Variants in ARHGAP32 observed in about 807,000 individuals in gnomAD.
ARHGAP32 encodes rho GTPase-activating protein 32.
In ARHGAP32, 51 loss-of-function variants were observed where a neutral mutation model predicts 186.5. The ratio of observed to expected loss-of-function variants is 0.27; its 90% confidence interval spans 0.22 to 0.35. ARHGAP32 has a LOEUF of 0.35. ARHGAP32 is among the 10% of genes least tolerant of loss of function. The probability of loss-of-function intolerance (pLI) is 1.00; values close to 1 mark genes in which losing one functional copy is unlikely to be tolerated. For missense variants in ARHGAP32, 2,186 were observed against 2,623.5 expected (o/e 0.83, Z 3.64); for synonymous variants, 950 against 964.3 (o/e 0.99, Z 0.27).
chr11:129,046,655 G>A lies in ARHGAP32; in HGVS notation c.964-5646C>T, dbSNP rs537955455. 9.3e-4 allele frequency among the ~76,000 whole-genome samples: 141 copies of A among 152,240 alleles called. 1 individual carries two copies. The highest frequency in any genetic ancestry group is 1.9e-3 in the Non-Finnish European group (129 of 68,008). Reference sequence around the variant, plus strand: ...AGTGTATGTGCTGAAAAATACTTTGGTGTAACTTAAAAGGAATATTAGAGA... The same window carrying A: ...AGTGTATGTGCTGAAAAATACTTTGATGTAACTTAAAAGGAATATTAGAGA... On this transcript the variant is annotated intron_variant, in intron 10 of 22. Transcript: ENST00000682385.
At chr11:129,127,059 G>C (rs983340485) in intron 2 of ARHGAP32, among the ~76,000 whole-genome samples, 24 of 152,160 alleles carry the variant, frequency 1.6e-4, no homozygotes, top group Non-Finnish European at 3.5e-4. Context: ...ACTTTATTTG[G>C]TAGACTGGAA....
intron 1 of ARHGAP32, among the ~76,000 whole-genome samples, chr11:129,186,183 A>T (rs776459168): frequency 1.3e-5 from 2 of 152,192 alleles, no homozygotes; most frequent in Non-Finnish European, 2.9e-5. Flanking sequence ...AAACTTTTTA[A>T]CTTCAATTAA....
upstream of ARHGAP32, among the ~76,000 whole-genome samples, chr11:129,195,051 C>G (rs1386935888): frequency 6.6e-6 from 1 of 151,568 alleles, no homozygotes; most frequent in African/African-American, 2.4e-5. Flanking sequence ...CTCACTGCAA[C>G]CTCCACCTCC....
rs1343423601 is a variant in ARHGAP32, at chr11:128,970,436, T to C, written c.4777A>G (p.Thr1593Ala). ...CYPEDIPPYP[T>A]IRRVQSLHAP... is the part of the protein sequence containing the mutation. Reference sequence around the variant, plus strand: ...TGGAGAGACTGCACTCTCCGGATGGTAGGGTACGGTGGAATGTCTTCGGGG... The same window carrying C: ...TGGAGAGACTGCACTCTCCGGATGGCAGGGTACGGTGGAATGTCTTCGGGG... The change falls in exon 23 of 23, where the codon ACC becomes GCC. Residue 1593 changes from threonine (T) to alanine (A), a missense_variant. Physicochemically the swap from Thr to Ala is moderately conservative, Grantham distance 58. Transcript: ENST00000682385. This position sits in a 1 kb window ranked among gnomAD's most constrained non-coding sequence, Gnocchi z 5.8. 6.2e-7 allele frequency: 1 copy of C among 1,614,076 alleles called. No homozygotes were observed. The highest frequency in any genetic ancestry group is 1.1e-5 in the South Asian group (1 of 91,064).
chr11:129,135,628 G>A (rs191079038), intron 2 of ARHGAP32, among the ~76,000 whole-genome samples: 1,964 of 152,166 alleles, frequency 0.013, 20 homozygotes, highest in Non-Finnish European at 0.02. Flanking sequence ...TTAGCCAGGC[G>A]TGGTGGCAGG....
intron 1 of ARHGAP32, among the ~76,000 whole-genome samples, chr11:129,238,782 C>CACACACA (rs398115968): frequency 3.8e-5 from 5 of 132,940 alleles, no homozygotes; most frequent in African/African-American, 9.0e-5. Context: ...CACACACACA[C>CACACACA]CTCTAACCAA....
chr11:128,970,521 C>T lies in ARHGAP32; in HGVS notation c.4692G>A (p.Lys1564=), dbSNP rs1362061948. 1.2e-6 allele frequency: 2 copies of T among 1,614,154 alleles called. No individual in the cohort carries two copies. The highest frequency in any genetic ancestry group is 1.7e-5 in the Admixed American group (1 of 60,026). The change falls in exon 23 of 23, where the codon AAG becomes AAA. Residue 1564 remains lysine, a synonymous_variant. Coordinates refer to ENST00000682385, the MANE Select transcript of ARHGAP32 (RefSeq NM_001378024.1). The surrounding 1 kb of genome is among the most constrained non-coding windows in gnomAD (Gnocchi z 5.8). ...PGRNASGHHS[K]PCSRVEYVSS... ...ACACATACTCGACCCGGCTGCATGG[C>T]TTGGAGTGGTGTCCAGATGCGTTTC...
In ARHGAP32 at chr11:128,978,864, G is replaced by C. The variant is rs750185534; in HGVS notation, c.2028C>G (p.Ser676=). 50 of 1,612,030 alleles carry C rather than the reference G, an allele frequency of 3.1e-5. No homozygotes were observed. In the South Asian group the frequency reaches 5.0e-4, roughly 16 times the overall value. ...ATGATGATTTCCCCAAGTTGAAAAAGGAACGCCAGCTACCCACAGGAGACT... is the reference window on the plus strand; with the variant it reads ...ATGATGATTTCCCCAAGTTGAAAAACGAACGCCAGCTACCCACAGGAGACT... ...MKKSPVGSWR[S]FFNLGKSSSV... is the part of the protein sequence containing the mutation. The change falls in exon 19 of 23, where the codon TCC becomes TCG. Residue 676 remains serine, a synonymous_variant. Coordinates refer to ENST00000682385, the MANE Select transcript of ARHGAP32 (RefSeq NM_001378024.1).
chr11:129,110,762 G>A (rs952990053), intron 5 of ARHGAP32, among the ~76,000 whole-genome samples: 7 of 151,990 alleles, frequency 4.6e-5, no homozygotes, highest in Non-Finnish European at 8.8e-5. Flanking sequence ...AAATATTACT[G>A]ATTTTTGTAT....
intron 12 of ARHGAP32, among the ~76,000 whole-genome samples, chr11:128,992,482 G>A (rs1442517666): frequency 6.6e-6 from 1 of 151,982 alleles, no homozygotes; most frequent in East Asian, 1.9e-4. Flanking sequence ...CTATAGATAA[G>A]GATGCCAAAG....
intron 1 of ARHGAP32, among the ~76,000 whole-genome samples, chr11:129,179,005 C>T (rs1943985983): frequency 6.6e-6 from 1 of 151,510 alleles, no homozygotes; most frequent in South Asian, 2.1e-4. Flanking sequence ...AGTGAACAGG[C>T]AACCTACAAA....
intron 1 of ARHGAP32, among the ~76,000 whole-genome samples, chr11:129,271,957 T>G (rs1945478464): frequency 6.6e-6 from 1 of 152,052 alleles, no homozygotes; most frequent in Non-Finnish European, 1.5e-5. Context: ...TGGTGGCTGA[T>G]GATGCCACTT....
At chr11:129,256,948 A>G (rs1305827568) in intron 1 of ARHGAP32, among the ~76,000 whole-genome samples, 1 of 152,148 alleles carries the variant, frequency 6.6e-6, no homozygotes, top group Non-Finnish European at 1.5e-5. Flanking sequence ...GCTTGTCATC[A>G]TGTCTAATTT....
At chr11:129,112,060 A>C (rs1000034591) in intron 5 of ARHGAP32, among the ~76,000 whole-genome samples, 2 of 152,042 alleles carry the variant, frequency 1.3e-5, no homozygotes, top group Admixed American at 1.3e-4. Flanking sequence ...CTGATCAATA[A>C]GGTGAAACCC....
intron 15 of ARHGAP32, among the ~76,000 whole-genome samples, chr11:128,983,516 G>T (rs377523032): frequency 3.3e-5 from 5 of 151,440 alleles, no homozygotes; most frequent in African/African-American, 1.2e-4. Context: ...AAGGGGGAGG[G>T]ATAGCATTAG....
At chr11:129,190,451 C>T (rs1294041374) in intron 1 of ARHGAP32, among the ~76,000 whole-genome samples, 1 of 152,160 alleles carries the variant, frequency 6.6e-6, no homozygotes, top group African/African-American at 2.4e-5. Context: ...GAAATATAAA[C>T]AGAAGAGAAA....
At chr11:129,073,219 CTAAAAGGAAAAAAACACCGTT>C (rs1374373135) in intron 6 of ARHGAP32, among the ~76,000 whole-genome samples, 1 of 151,888 alleles carries the variant, frequency 6.6e-6, no homozygotes, top group African/African-American at 2.4e-5. Flanking sequence ...ACAACGTGAA[CTAAAAGGAAAAAAACACCGTT>C]TAAAAAGACT....
chr11:129,103,635 T>C (rs986921095), intron 5 of ARHGAP32, among the ~76,000 whole-genome samples: 1 of 151,912 alleles, frequency 6.6e-6, no homozygotes, highest in Non-Finnish European at 1.5e-5. Flanking sequence ...GAAAAAACTT[T>C]CAATCTATAA....
chr11:129,162,730 T>C (rs1943555792), intron 2 of ARHGAP32, among the ~76,000 whole-genome samples: 1 of 152,216 alleles, frequency 6.6e-6, no homozygotes, highest in South Asian at 2.1e-4. Context: ...ATGATATTTC[T>C]TGGTGAACTT....
Sources: gnomAD v4.1 joint callset for allele counts (sites outside exome capture counted in the v4.1 genomes callset) on GRCh38, gnomAD v4.1.1 for gene constraint, Gnocchi (gnomAD v3.1) non-coding constraint, MANE v1.5 for transcripts, NCBI Gene and HGNC (gene_info 2026-07-23, HGNC 2026-07-21) for gene names.